Variants in RAD54B observed in about 807,000 individuals in gnomAD.
The protein encoded by RAD54B is DNA repair and recombination protein RAD54B.
Under a neutral mutation model 95.8 loss-of-function variants are expected in RAD54B, and 78 were observed. That is an observed-to-expected ratio of 0.81 (90% confidence interval 0.68 to 0.98). The LOEUF is 0.98. Among genes scored for constraint, RAD54B ranks in the 50% least tolerant of loss-of-function variants. RAD54B has a pLI of 0.00. For missense variants in RAD54B, 957 were observed against 1,056.6 expected (o/e 0.91, Z 1.31); for synonymous variants, 328 against 354.9 (o/e 0.92, Z 0.85).
At position 94,449,831 on chromosome 8, in the gene RAD54B, G is replaced by C. The variant is rs571742864; in HGVS notation, c.304+8437C>G. ...TTCCATCCAAGGCAGGAATTCAAAA[G>C]AACAGTCCCAGTGTATAGGTTTCCT... On this transcript the variant is annotated intron_variant, in intron 3 of 14. Transcript: ENST00000336148. Among the ~76,000 whole-genome samples the C allele has an allele frequency of 9.9e-5, 15 of 152,228 alleles. No homozygotes were observed. In the South Asian group the frequency reaches 3.1e-3, roughly 32 times the overall value.
At chr8:94,402,251 CTTTT>C (rs145064709) in intron 6 of RAD54B, among the ~76,000 whole-genome samples, 2 of 143,910 alleles carry the variant, frequency 1.4e-5, no homozygotes, top group Admixed American at 1.4e-4. Flanking sequence ...TGCTATTTTT[CTTTT>C]TTTTTTTTTT....
At chr8:94,428,379 G>C in intron 3 of RAD54B, 1 of 952,578 alleles carries the variant, frequency 1.0e-6, no homozygotes, top group East Asian at 1.2e-4. Flanking sequence ...TATCCAAGGG[G>C]GATTGGTTTC....
Position 94,458,290 on chromosome 8 carries a change from T to C in RAD54B, c.282A>G (p.Ala94=), listed in dbSNP as rs1384270249. The part of the protein sequence containing the change: ...GKYCFEAPTL[A]TLDPPHTVHS... ...TACCTGTATGAGGTGGATCTAATGT[T>C]GCCAGTGTAGGTGCTTCAAAACAAT... The change falls in exon 3 of 15, where the codon GCA becomes GCG. Residue 94 remains alanine, a synonymous_variant. Coordinates refer to ENST00000336148, the MANE Select transcript of RAD54B (RefSeq NM_012415.3). 1.9e-6 allele frequency: 3 copies of C among 1,606,770 alleles called. No individual in the cohort carries two copies. The highest frequency in any genetic ancestry group is 2.5e-6 in the Non-Finnish European group (3 of 1,177,746).
At chr8:94,467,299 T>C (rs1813050794) in intron 2 of RAD54B, 106 bp downstream of exon 2, 5 of 1,028,958 alleles carry the variant, frequency 4.9e-6, no homozygotes, top group Non-Finnish European at 6.8e-6. Context: ...TCAGAGATAC[T>C]GAAAATTCCT....
At chr8:94,375,352 T>C (rs533842576) in intron 14 of RAD54B, among the ~76,000 whole-genome samples, 15 of 152,248 alleles carry the variant, frequency 9.9e-5, no homozygotes, top group East Asian at 5.8e-4. Flanking sequence ...TGGGAGATGA[T>C]TGAATCATGG....
At chr8:94,457,248 T>C (rs574175194) in intron 3 of RAD54B, among the ~76,000 whole-genome samples, 17 of 151,922 alleles carry the variant, frequency 1.1e-4, no homozygotes, top group East Asian at 1.9e-4. Context: ...GTGGGGAAAA[T>C]AGGGAGGAAA....
chr8:94,444,868 C>T (rs1338292326), intron 3 of RAD54B, among the ~76,000 whole-genome samples: 2 of 152,120 alleles, frequency 1.3e-5, no homozygotes, highest in Non-Finnish European at 2.9e-5. Context: ...TCTCAAGAAC[C>T]AGAAAGCCAC....
intron 2 of RAD54B, among the ~76,000 whole-genome samples, chr8:94,462,840 T>A (rs1038601223): frequency 4.6e-5 from 7 of 152,106 alleles, no homozygotes; most frequent in Non-Finnish European, 1.0e-4. Context: ...AAATAGTAAA[T>A]CTGTGTTTTT....
At chr8:94,392,860 T>A (rs1172811150) in intron 9 of RAD54B, among the ~76,000 whole-genome samples, 1 of 147,652 alleles carries the variant, frequency 6.8e-6, no homozygotes, top group African/African-American at 2.5e-5. Context: ...TTTTTTGAGA[T>A]GGAGTTTCAC....
At chr8:94,410,066 C>T (rs1463214547) in intron 4 of RAD54B, among the ~76,000 whole-genome samples, 1 of 152,192 alleles carries the variant, frequency 6.6e-6, no homozygotes, top group Admixed American at 6.5e-5. Flanking sequence ...AACACTGTCA[C>T]GGCCTTTCAT....
chr8:94,447,394 A>T (rs556815285), intron 3 of RAD54B, among the ~76,000 whole-genome samples: 6 of 152,290 alleles, frequency 3.9e-5, no homozygotes, highest in African/African-American at 1.4e-4. Context: ...TATACTGCAA[A>T]CATTGCTAAG....
chr8:94,428,228 T>A lies in RAD54B; in HGVS notation c.305-16913A>T, dbSNP rs181174700. On this transcript the variant is annotated intron_variant, in intron 3 of 14. Coordinates refer to ENST00000336148, the MANE Select transcript of RAD54B (RefSeq NM_012415.3). ...TCAAATGTAGTATATTTCTACAGAA[T>A]CAAGTCTACATTTAAAAAACAAAAT... 4.6e-4 allele frequency: 405 copies of A among 883,956 alleles called. No individual in the cohort carries two copies. In the African/African-American group the frequency reaches 6.7e-3, roughly 15 times the overall value. 54.8% of individuals were successfully genotyped at this position (883,956 alleles called of 1,614,324 possible).
At chr8:94,389,545 C>T (rs529604367) in intron 10 of RAD54B, among the ~76,000 whole-genome samples, 10 of 152,268 alleles carry the variant, frequency 6.6e-5, no homozygotes, top group South Asian at 4.2e-4. Context: ...AAGCTAATCG[C>T]GACACTATCT....
intron 9 of RAD54B, among the ~76,000 whole-genome samples, chr8:94,392,142 G>A (rs966963263): frequency 6.6e-6 from 1 of 152,086 alleles, no homozygotes; most frequent in Admixed American, 6.5e-5. Context: ...TCCTATAATT[G>A]GTAGAATCTT....
In RAD54B at chr8:94,466,061, G is replaced by C. The variant is rs182513267; in HGVS notation, c.135+1344C>G. ...GTACAGAGTTTCTGTTTGGGGTAAT[G>C]AAAAAGTTTTGGAAACAGATTGTGG... is the stretch of plus-strand genomic sequence containing the variant. On this transcript the variant is annotated intron_variant, in intron 2 of 14. Coordinates refer to ENST00000336148, the MANE Select transcript of RAD54B (RefSeq NM_012415.3). Among the ~76,000 whole-genome samples, 14 of 152,282 alleles carry C rather than the reference G, an allele frequency of 9.2e-5. 1 individual carries two copies. In the East Asian group the frequency reaches 2.7e-3, roughly 29 times the overall value.
At chr8:94,466,588 A>G (rs1204306335) in intron 2 of RAD54B, among the ~76,000 whole-genome samples, 1 of 151,934 alleles carries the variant, frequency 6.6e-6, no homozygotes, top group Non-Finnish European at 1.5e-5. Flanking sequence ...TTGTATTTTT[A>G]GTAGAGACGG....
intron 3 of RAD54B, among the ~76,000 whole-genome samples, chr8:94,422,647 T>TATAG (rs1554606261): frequency 5.1e-5 from 5 of 98,876 alleles, no homozygotes; most frequent in African/African-American, 2.0e-4. Flanking sequence ...TATATATATA[T>TATAG]ATATATAAAA....
At chr8:94,375,330 G>A (rs984392342) in intron 14 of RAD54B, among the ~76,000 whole-genome samples, 1 of 152,140 alleles carries the variant, frequency 6.6e-6, no homozygotes, top group Non-Finnish European at 1.5e-5. Context: ...ACGTGTTGTG[G>A]GAAGGACCCG....
chr8:94,430,084 C>T (rs1812050121), intron 3 of RAD54B: 3 of 909,258 alleles, frequency 3.3e-6, no homozygotes, highest in South Asian at 5.1e-5. Context: ...GAGGCCGAGG[C>T]GGGCAGATCA....
Sources: allele counts gnomAD v4.1 joint callset (sites outside exome capture counted in the v4.1 genomes callset), GRCh38; gene constraint gnomAD v4.1.1; transcripts MANE v1.5; gene names NCBI Gene and HGNC (gene_info 2026-07-23, HGNC 2026-07-21).